SGCZ: variants seen among roughly 807,000 people sequenced by gnomAD.
SGCZ encodes the protein sarcoglycan zeta.
In SGCZ, 40 loss-of-function variants were observed where a neutral mutation model predicts 41.3. The ratio of observed to expected loss-of-function variants is 0.97; its 90% CI spans 0.75 to 1.26. The LOEUF (loss-of-function observed/expected upper bound fraction) is 1.26, where lower values mean the gene tolerates loss of function less well. Among genes scored for constraint, SGCZ ranks in the 50% most tolerant of loss-of-function variants. The probability of loss-of-function intolerance (pLI) is 0.00; values close to 1 mark genes in which losing one functional copy is unlikely to be tolerated. For missense variants in SGCZ, 552 were observed against 369.8 expected (o/e 1.49, Z -4.04); for synonymous variants, 206 against 137.5 (o/e 1.50, Z -3.49).
intron 4 of SGCZ, among the ~76,000 whole-genome samples, chr8:14,173,120 T>C (rs139194937): frequency 5.7e-4 from 86 of 152,192 alleles, no homozygotes; most frequent in Non-Finnish European, 1.0e-3. Context: ...AAATCATACT[T>C]GAACAGGAGC....
chr8:14,145,668 T>C (rs879503278), intron 5 of SGCZ, among the ~76,000 whole-genome samples: 3 of 152,178 alleles, frequency 2.0e-5, no homozygotes, highest in Non-Finnish European at 4.4e-5. Flanking sequence ...GAATTTAAAA[T>C]AGCTATGTTG....
intron 1 of SGCZ, among the ~76,000 whole-genome samples, chr8:14,798,951 T>C (rs1186058125): frequency 6.6e-6 from 1 of 151,954 alleles, no homozygotes; most frequent in Non-Finnish European, 1.5e-5. Flanking sequence ...TCTGCCTACA[T>C]ATTTTACTTC....
chr8:15,159,389 A>C (rs1055146192), intron 1 of SGCZ, among the ~76,000 whole-genome samples: 3 of 152,136 alleles, frequency 2.0e-5, no homozygotes, highest in African/African-American at 7.2e-5. Flanking sequence ...ATTGAACCCA[A>C]AGAGTGGGTC....
At chr8:14,787,531 G>GCCA (rs1800806369) in intron 1 of SGCZ, among the ~76,000 whole-genome samples, 1 of 152,042 alleles carries the variant, frequency 6.6e-6, no homozygotes. Flanking sequence ...AGTAGTAACT[G>GCCA]AGTTTTATCC....
At chr8:14,692,921 G>GGAAT (rs1808844607) in intron 1 of SGCZ, among the ~76,000 whole-genome samples, 1 of 152,134 alleles carries the variant, frequency 6.6e-6, no homozygotes, top group South Asian at 2.1e-4. Flanking sequence ...AAACCTTGAT[G>GGAAT]GAATATTTAC....
chr8:14,591,282 T>G (rs1466761488), intron 1 of SGCZ, among the ~76,000 whole-genome samples: 1 of 152,100 alleles, frequency 6.6e-6, no homozygotes, highest in South Asian at 2.1e-4. Flanking sequence ...AAACTAAGTC[T>G]ACTTAGAAAT....
chr8:14,564,488 C>T (rs1804299120), intron 1 of SGCZ, among the ~76,000 whole-genome samples: 1 of 152,102 alleles, frequency 6.6e-6, no homozygotes, highest in Non-Finnish European at 1.5e-5. Flanking sequence ...GTCCCAGTTT[C>T]CTCAAAGCTC....
intron 5 of SGCZ, among the ~76,000 whole-genome samples, chr8:14,125,846 C>CT (rs1198704140): frequency 1.3e-5 from 2 of 152,114 alleles, no homozygotes; most frequent in African/African-American, 4.8e-5. Context: ...TGATCTTTGA[C>CT]AAACCTGACA....
At chr8:14,165,694 G>A (rs1175384617) in intron 4 of SGCZ, among the ~76,000 whole-genome samples, 2 of 152,076 alleles carry the variant, frequency 1.3e-5, no homozygotes, top group Admixed American at 1.3e-4. Context: ...AGGGAAGTAG[G>A]AATCACACAT....
At chr8:15,055,052 G>C (rs916641746) in intron 1 of SGCZ, among the ~76,000 whole-genome samples, 7 of 151,846 alleles carry the variant, frequency 4.6e-5, no homozygotes, top group Non-Finnish European at 8.8e-5. Context: ...CTCCTAAGTA[G>C]CTCCCCTTTA....
intron 2 of SGCZ, among the ~76,000 whole-genome samples, chr8:14,391,011 T>C (rs577775540): frequency 6.6e-6 from 1 of 152,200 alleles, no homozygotes; most frequent in South Asian, 2.1e-4. Context: ...ACTTCTGACC[T>C]ACTTCCAGAT....
intron 4 of SGCZ, among the ~76,000 whole-genome samples, chr8:14,227,438 A>C (rs903187575): frequency 9.2e-5 from 14 of 152,214 alleles, no homozygotes; most frequent in African/African-American, 3.4e-4. Context: ...AATCAAAATA[A>C]GCCATGACAA....
At chr8:14,729,243 C>A (rs1293384833) in intron 1 of SGCZ, among the ~76,000 whole-genome samples, 2 of 152,154 alleles carry the variant, frequency 1.3e-5, no homozygotes, top group Non-Finnish European at 2.9e-5. Flanking sequence ...CCAGTCACGA[C>A]AACGCTTAAT....
rs563063146 is a variant in SGCZ at position 15,065,583 on chromosome 8, T to A, written c.39+172002A>T. Among the ~76,000 whole-genome samples the A allele has an allele frequency of 1.3e-3, 202 of 151,682 alleles. 1 individual carries two copies. The highest frequency in any genetic ancestry group is 4.8e-3 in the African/African-American group (197 of 41,374). On this transcript the variant is annotated intron_variant, in intron 1 of 7. Coordinates refer to ENST00000382080, the MANE Select transcript of SGCZ (RefSeq NM_139167.4). ...CCTCAGCCTCTTGAGTAGATGGGAG[T>A]ACAGGGGTGCACCCAGCTAACGTTT...
intron 1 of SGCZ, among the ~76,000 whole-genome samples, chr8:14,560,207 C>G (rs961951532): frequency 6.6e-6 from 1 of 151,980 alleles, no homozygotes; most frequent in Non-Finnish European, 1.5e-5. Context: ...GGAGAGAAGA[C>G]TTGTAATGTT....
chr8:14,142,323 T>G (rs1803396509), intron 5 of SGCZ, among the ~76,000 whole-genome samples: 2 of 151,866 alleles, frequency 1.3e-5, no homozygotes, highest in African/African-American at 2.4e-5. Flanking sequence ...TAATAAAAAT[T>G]TAAAAAAAAA....
At chr8:15,000,424 G>A (rs1390113146) in intron 1 of SGCZ, among the ~76,000 whole-genome samples, 2 of 152,202 alleles carry the variant, frequency 1.3e-5, no homozygotes, top group Non-Finnish European at 2.9e-5. Flanking sequence ...GGTTATGCGA[G>A]TCCTACATAA....
intron 1 of SGCZ, among the ~76,000 whole-genome samples, chr8:15,215,680 T>G (rs1426191522): frequency 1.3e-5 from 2 of 152,214 alleles, no homozygotes; most frequent in South Asian, 4.1e-4. Flanking sequence ...CAAGACAAGC[T>G]GAACTGAAAC....
rs562054269 is a variant in SGCZ, at chr8:14,467,608, T to C, written c.234+87124A>G. Among the ~76,000 whole-genome samples the C allele has an allele frequency of 4.6e-5, 7 of 152,144 alleles. No individual in the cohort carries two copies. In the South Asian group the frequency reaches 1.4e-3, roughly 31 times the overall value. On this transcript the variant is annotated intron_variant, in intron 2 of 7. Transcript: ENST00000382080. ...TAACTACAATTTACCATCCAAACCT[T>C]GTTCCAGAAATTGCAAGTCTTTAAT...
Sources: allele counts gnomAD v4.1 joint callset (sites outside exome capture counted in the v4.1 genomes callset), GRCh38; gene constraint gnomAD v4.1.1; transcripts MANE v1.5; gene names NCBI Gene and HGNC (gene_info 2026-07-23, HGNC 2026-07-21).